Variants in LUZP2 observed in about 807,000 individuals in gnomAD.
The protein encoded by LUZP2 is leucine zipper protein 2.
A neutral mutation model predicts 51.6 loss-of-function variants in LUZP2; 52 were observed. The observed-to-expected ratio is 1.01, with a 90% confidence interval of 0.81 to 1.27. The LOEUF is 1.27. Among genes scored for constraint, LUZP2 ranks in the 50% most tolerant of loss-of-function variants. LUZP2 has a pLI of 0.00. For synonymous variants in LUZP2, 154 were observed against 137.3 expected (o/e 1.12, Z -0.85); for missense variants, 436 against 395.4 (o/e 1.10, Z -0.87).
At chr11:25,004,270 G>A (rs763743408) in intron 9 of LUZP2, among the ~76,000 whole-genome samples, 3 of 152,096 alleles carry the variant, frequency 2.0e-5, no homozygotes, top group Non-Finnish European at 4.4e-5. Context: ...TTTCTCACTG[G>A]ACAATCTTTT....
chr11:24,664,461 G>A (rs1457628626), intron 1 of LUZP2, among the ~76,000 whole-genome samples: 1 of 152,236 alleles, frequency 6.6e-6, no homozygotes, highest in Admixed American at 6.5e-5. Flanking sequence ...AATTTGAGGA[G>A]CCAAGTGTTA....
At chr11:24,852,181 C>T (rs1348167179) in intron 5 of LUZP2, among the ~76,000 whole-genome samples, 3 of 151,982 alleles carry the variant, frequency 2.0e-5, no homozygotes, top group Admixed American at 6.6e-5. Flanking sequence ...TTCTCTAGTT[C>T]TTTTCATTGT....
At chr11:24,618,297 C>A (rs1334700792) in intron 1 of LUZP2, among the ~76,000 whole-genome samples, 3 of 152,186 alleles carry the variant, frequency 2.0e-5, no homozygotes, top group African/African-American at 7.2e-5. Flanking sequence ...TTCACTAACA[C>A]CTTGAGGAGA....
chr11:24,924,776 G>A (rs1178297717), intron 7 of LUZP2, among the ~76,000 whole-genome samples: 1 of 152,116 alleles, frequency 6.6e-6, no homozygotes, highest in Non-Finnish European at 1.5e-5. Context: ...CTTAGGCTAG[G>A]GAGATGATAG....
intron 5 of LUZP2, among the ~76,000 whole-genome samples, chr11:24,895,908 T>A (rs1359919542): frequency 6.6e-6 from 1 of 152,228 alleles, no homozygotes; most frequent in Non-Finnish European, 1.5e-5. Flanking sequence ...CTTTGAGAAA[T>A]CTTCAAACTG....
intron 9 of LUZP2, among the ~76,000 whole-genome samples, chr11:24,995,384 C>T (rs188288768): frequency 3.5e-4 from 53 of 152,148 alleles, no homozygotes; most frequent in African/African-American, 1.2e-3. Context: ...CAGAGCAAGG[C>T]CTTGTCCTCA....
chr11:24,701,631 G>A (rs1857425485), intron 1 of LUZP2: 1 of 152,558 alleles, frequency 6.6e-6, no homozygotes, highest in Admixed American at 6.5e-5. Context: ...CAGTCCAGAA[G>A]AAGATTTTTA....
At chr11:24,511,638 G>C (rs1256772994) in intron 1 of LUZP2, among the ~76,000 whole-genome samples, 3 of 152,066 alleles carry the variant, frequency 2.0e-5, no homozygotes, top group African/African-American at 7.2e-5. Context: ...TGAACTTAGG[G>C]CGTGCTATCT....
At chr11:24,926,397 A>C in intron 7 of LUZP2, among the ~76,000 whole-genome samples, 1 of 65,290 alleles carries the variant, frequency 1.5e-5, no homozygotes, top group East Asian at 2.9e-4. Context: ...ATACGTGTGT[A>C]TATATATATA....
intron 10 of LUZP2, among the ~76,000 whole-genome samples, chr11:25,062,587 CAAAAAAAAAAAAA>C (rs1163708322): frequency 1.2e-4 from 5 of 43,110 alleles, no homozygotes; most frequent in East Asian, 7.7e-4. Flanking sequence ...AAGACCCTGT[CAAAAAAAAAAAAA>C]AAAAAAAAAA....
intron 1 of LUZP2, among the ~76,000 whole-genome samples, chr11:24,679,246 T>C (rs1281887147): frequency 2.0e-5 from 3 of 152,210 alleles, no homozygotes; most frequent in African/African-American, 4.8e-5. Context: ...TATTAGAGCA[T>C]ACCTTTCTCA....
chr11:24,868,454 G>C (rs1851961719), intron 5 of LUZP2, among the ~76,000 whole-genome samples: 1 of 152,068 alleles, frequency 6.6e-6, no homozygotes, highest in South Asian at 2.1e-4. Flanking sequence ...CTACTTTTGA[G>C]TTATCCATCA....
intron 1 of LUZP2, among the ~76,000 whole-genome samples, chr11:24,704,607 A>AATAT (rs146367882): frequency 2.7e-5 from 4 of 148,254 alleles, no homozygotes; most frequent in Admixed American, 1.3e-4. Flanking sequence ...TATATGCAAG[A>AATAT]ATATATATAT....
intron 5 of LUZP2, among the ~76,000 whole-genome samples, chr11:24,775,745 C>A (rs538778982): frequency 1.3e-5 from 2 of 152,234 alleles, no homozygotes; most frequent in East Asian, 3.9e-4. Context: ...GCATCTGGGT[C>A]ACTTTTTCGG....
At position 24,744,886 on chromosome 11, in the gene LUZP2, C is replaced by T. The variant is rs150043528; in HGVS notation, c.333+6584C>T. Among the ~76,000 whole-genome samples the T allele has an allele frequency of 4.6e-3, 703 of 152,114 alleles. 6 individuals carry two copies. Among genetic ancestry groups the T allele is most frequent in the African/African-American group, 0.015 (617 of 41,502 alleles). On this transcript the variant is annotated intron_variant, in intron 4 of 11. Coordinates refer to ENST00000336930, the MANE Select transcript of LUZP2 (RefSeq NM_001009909.4). Reference sequence around the variant, plus strand: ...TCATAGCACCACCTTTCCCGTATCCCAGAGGTTTTGATAGGTTGTGTCATT... The same window carrying T: ...TCATAGCACCACCTTTCCCGTATCCTAGAGGTTTTGATAGGTTGTGTCATT...
At chr11:24,717,939 A>G (rs1858118574) in intron 1 of LUZP2, among the ~76,000 whole-genome samples, 1 of 152,170 alleles carries the variant, frequency 6.6e-6, no homozygotes, top group Non-Finnish European at 1.5e-5. Context: ...CTTTTTTATG[A>G]CCGCATAGTA....
intron 5 of LUZP2, among the ~76,000 whole-genome samples, chr11:24,858,896 G>T (rs1442009225): frequency 1.3e-5 from 2 of 152,126 alleles, no homozygotes; most frequent in Admixed American, 6.5e-5. Context: ...CCTCCATTTT[G>T]AAATCCAGTG....
chr11:24,922,283 C>A (rs529057584), intron 7 of LUZP2, among the ~76,000 whole-genome samples: 1 of 152,144 alleles, frequency 6.6e-6, no homozygotes, highest in Non-Finnish European at 1.5e-5. Context: ...TTCTCTAAAT[C>A]TAGAGTTATT....
At chr11:24,741,016 G>A (rs1859118430) in intron 4 of LUZP2, among the ~76,000 whole-genome samples, 1 of 151,846 alleles carries the variant, frequency 6.6e-6, no homozygotes, top group African/African-American at 2.4e-5. Context: ...ATAATATTGT[G>A]GTAAGAATTA....
Sources: allele counts gnomAD v4.1 joint callset (sites outside exome capture counted in the v4.1 genomes callset), GRCh38; gene constraint gnomAD v4.1.1; transcripts MANE v1.5; gene names NCBI Gene and HGNC (gene_info 2026-07-23, HGNC 2026-07-21).